The following NAPB variants were observed in gnomAD, a reference collection of about 807,000 sequenced individuals.
The protein encoded by NAPB is beta-soluble NSF attachment protein.
NAPB carries 26 observed loss-of-function variants against 44.7 expected under a neutral mutation model. That is an observed-to-expected ratio of 0.58 (90% CI 0.43 to 0.81). The LOEUF (loss-of-function observed/expected upper bound fraction) is 0.81. NAPB is among the 30% of genes least tolerant of loss of function. The probability of loss-of-function intolerance (pLI) is 0.00; values close to 1 mark genes in which losing one functional copy is unlikely to be tolerated. For missense variants in NAPB, 315 were observed against 356.4 expected (o/e 0.88, Z 0.94); for synonymous variants, 120 against 116.8 (o/e 1.03, Z -0.18).
intron 1 of NAPB, among the ~76,000 whole-genome samples, chr20:23,403,934 A>G (rs1985046513): frequency 6.6e-6 from 1 of 152,192 alleles, no homozygotes; most frequent in African/African-American, 2.4e-5. Flanking sequence ...AGGAAGCCTC[A>G]GGGTCCGGCC....
intron 7 of NAPB, among the ~76,000 whole-genome samples, chr20:23,381,821 T>C (rs1174133169): frequency 6.6e-6 from 1 of 152,016 alleles, no homozygotes; most frequent in Non-Finnish European, 1.5e-5. Context: ...ACTTAGACAA[T>C]AACTGCTCTA....
intron 2 of NAPB, among the ~76,000 whole-genome samples, chr20:23,399,818 T>C (rs182212026): frequency 9.8e-5 from 15 of 152,334 alleles, no homozygotes; most frequent in Admixed American, 8.5e-4. Flanking sequence ...AACGTAGTAA[T>C]AGCTTGGACT....
At chr20:23,381,123 C>T (rs969911927) in intron 8 of NAPB, 90 bp downstream of exon 8, 3 of 878,396 alleles carry the variant, frequency 3.4e-6, no homozygotes, top group Non-Finnish European at 5.7e-6. Context: ...TTGGTACTAA[C>T]ATCAAAATGA....
intron 3 of NAPB, 181 bp downstream of exon 3, chr20:23,396,891 G>A (rs2123197489): frequency 2.1e-5 from 9 of 436,020 alleles, no homozygotes; most frequent in South Asian, 9.3e-5. Flanking sequence ...CCTCATAAAA[G>A]CCCCCAAATG....
rs547299778 is a variant in NAPB at position 23,399,461 on chromosome 20, G to A, written c.179-2273C>T. Among the ~76,000 whole-genome samples the A allele has an allele frequency of 5.3e-5, 8 of 152,294 alleles. No individual in the cohort carries two copies. The East Asian group carries it at 1.2e-3, about 22-fold the overall frequency. ...GGTGAGAACAGTCCTCACCAAATAC[G>A]GGATCTGCTGGCACCTTGATCTTAA... On this transcript the variant is annotated intron_variant, in intron 2 of 10. Transcript: ENST00000377026.
Position 23,421,434 on chromosome 20 carries a change from G to T in NAPB, c.-32C>A. The T allele has an allele frequency of 6.5e-7, 1 of 1,533,412 alleles. No individual in the cohort carries two copies. The allele number at this position is 1,533,412 out of a possible 1,614,324, so 95.0% of individuals were successfully genotyped here. A position where few individuals can be genotyped will look rare whatever the true frequency, so the allele number is the denominator to read the frequency against. ...CGCCGCGGCCGCCACAGCCCCCTCA[G>T]CCGGCTCGCTGTGCGCCCAGGCGCC... is the stretch of plus-strand genomic sequence containing the variant. On this transcript the variant is annotated 5_prime_UTR_variant, in exon 1 of 11. In the 5' UTR this introduces an upstream ATG that the reference lacks. Coordinates refer to ENST00000377026, the MANE Select transcript of NAPB (RefSeq NM_022080.3).
chr20:23,409,471 A>G (rs1335640268), intron 1 of NAPB, among the ~76,000 whole-genome samples: 1 of 152,226 alleles, frequency 6.6e-6, no homozygotes, highest in Non-Finnish European at 1.5e-5. Context: ...TAGAGAAGAA[A>G]TAGGTATACA....
At chr20:23,404,529 C>T (rs1481153183) in intron 1 of NAPB, among the ~76,000 whole-genome samples, 1 of 152,188 alleles carries the variant, frequency 6.6e-6, no homozygotes, top group African/African-American at 2.4e-5. Context: ...CAGTATGGCC[C>T]TGGACCAGTT....
chr20:23,402,102 C>G (rs1250277217), intron 2 of NAPB, among the ~76,000 whole-genome samples: 1 of 152,156 alleles, frequency 6.6e-6, no homozygotes, highest in Non-Finnish European at 1.5e-5. Context: ...AAACTTCTTA[C>G]AAAGATCTTT....
At chr20:23,408,338 A>G (rs4142246) in intron 1 of NAPB, among the ~76,000 whole-genome samples, 86,674 of 152,092 alleles carry the variant, frequency 0.57, 26,619 homozygotes, top group East Asian at 0.88. Flanking sequence ...CACAGGGCCT[A>G]GCACACAGGC....
chr20:23,390,274 T>C lies in NAPB; in HGVS notation c.421-10A>G. ...CATAATGTGCAATAGCCTGAAAACA[T>C]ACATATTTTATTCACACACAATTTA... On this transcript the variant is annotated splice_polypyrimidine_tract_variant and intron_variant, in intron 5 of 10. Transcript: ENST00000377026. 6.2e-7 allele frequency: 1 copy of C among 1,602,862 alleles called. No individual in the cohort carries two copies. Among genetic ancestry groups the C allele is most frequent in the South Asian group, 1.1e-5 (1 of 90,424 alleles).
At chr20:23,387,650 A>T (rs1019941559) in intron 7 of NAPB, among the ~76,000 whole-genome samples, 40 of 152,254 alleles carry the variant, frequency 2.6e-4, no homozygotes, top group African/African-American at 9.6e-4. Context: ...CGTCAAAAAA[A>T]AAATAAAATA....
chr20:23,414,751 T>TC (rs11482083), intron 1 of NAPB, among the ~76,000 whole-genome samples: 44,963 of 151,832 alleles, frequency 0.3, 6,632 homozygotes, highest in Middle Eastern at 0.37. Flanking sequence ...ACTGATTTTA[T>TC]AACCAATCAG....
intron 7 of NAPB, among the ~76,000 whole-genome samples, chr20:23,387,297 G>A (rs1239400354): frequency 1.3e-5 from 2 of 152,112 alleles, no homozygotes. Context: ...CACTTAATAT[G>A]AAAGACCGAA....
chr20:23,409,128 C>G (rs1002347501), intron 1 of NAPB, among the ~76,000 whole-genome samples: 14 of 152,330 alleles, frequency 9.2e-5, no homozygotes, highest in African/African-American at 2.6e-4. Context: ...GCAGCCAGGC[C>G]TGTCTTGGCC....
At chr20:23,388,425 T>A (rs1983690609) in intron 7 of NAPB, among the ~76,000 whole-genome samples, 1 of 152,096 alleles carries the variant, frequency 6.6e-6, no homozygotes, top group Non-Finnish European at 1.5e-5. Flanking sequence ...AATATTCGGA[T>A]GAAAATGCAA....
chr20:23,419,287 T>G (rs911052954), intron 1 of NAPB, among the ~76,000 whole-genome samples: 5 of 152,248 alleles, frequency 3.3e-5, no homozygotes, highest in Non-Finnish European at 7.3e-5. Context: ...AACTTTTGTG[T>G]AACTGAGTGT....
chr20:23,419,301 T>C (rs1310401933), intron 1 of NAPB, among the ~76,000 whole-genome samples: 1 of 152,238 alleles, frequency 6.6e-6, no homozygotes. Context: ...TGAGTGTGAA[T>C]GGTGAAGATT....
chr20:23,377,446 A>T lies in NAPB; in HGVS notation c.827T>A (p.Leu276Gln). 6.2e-7 allele frequency: 1 copy of T among 1,608,086 alleles called. No individual in the cohort carries two copies. The highest frequency in any genetic ancestry group is 8.5e-7 in the Non-Finnish European group (1 of 1,175,914). The change falls in exon 11 of 11, where the codon CTG becomes CAG. Residue 276 changes from leucine to glutamine, a missense_variant. Leu to Gln is a moderately radical substitution (Grantham distance 113, BLOSUM62 -2). Transcript: ENST00000377026. ...FDSISRLDQWLTTMLLRIKKS... is the reference protein window; with the variant it reads ...FDSISRLDQWQTTMLLRIKKS... The stretch of plus-strand genomic sequence containing the variant: ...TTTGATGCGAAGCAACATGGTGGTC[A>T]GCCACTGATCCAAGCGAGATATTGA...
Sources: allele counts gnomAD v4.1 joint callset (sites outside exome capture counted in the v4.1 genomes callset), GRCh38; gene constraint gnomAD v4.1.1; transcripts MANE v1.5; gene names NCBI Gene and HGNC (gene_info 2026-07-23, HGNC 2026-07-21).